Variants in AFAP1L2 observed in about 807,000 individuals in gnomAD.
AFAP1L2 encodes the protein actin filament-associated protein 1-like 2.
In AFAP1L2, 46 loss-of-function variants were observed where a neutral mutation model predicts 99.3. The ratio of observed to expected loss-of-function variants is 0.46; its 90% confidence interval spans 0.37 to 0.59. The LOEUF is 0.59. AFAP1L2 is among the 20% of genes least tolerant of loss of function. The pLI is 0.00. For missense variants in AFAP1L2, 959 were observed against 1,034.9 expected (o/e 0.93, Z 1.01); for synonymous variants, 397 against 419.1 (o/e 0.95, Z 0.64).
rs570082218 is a variant in AFAP1L2 at position 114,348,016 on chromosome 10, C to T, written c.17-7285G>A. ...ATGCTGGCAACCGCAAATCTGCTTT[C>T]GGTCCAGTGGATTTGCCTATTCTGG... On this transcript the variant is annotated intron_variant, in intron 1 of 18. Transcript: ENST00000304129. Among the ~76,000 whole-genome samples the T allele has an allele frequency of 7.6e-4, 116 of 152,244 alleles. 2 individuals carry two copies. Among genetic ancestry groups the T allele is most frequent in the African/African-American group, 1.5e-3 (64 of 41,546 alleles).
chr10:114,310,940 G>C (rs1050686946), intron 7 of AFAP1L2, among the ~76,000 whole-genome samples: 1 of 143,396 alleles, frequency 7.0e-6, no homozygotes, highest in Non-Finnish European at 1.5e-5. Context: ...TGGCTCTCCC[G>C]ACTCGCCTGC....
intron 1 of AFAP1L2, among the ~76,000 whole-genome samples, chr10:114,350,350 G>A (rs768952486): frequency 6.6e-6 from 1 of 152,200 alleles, no homozygotes; most frequent in Non-Finnish European, 1.5e-5. Context: ...TTGTCCCATG[G>A]ATGCAAGTCC....
chr10:114,302,791 C>G (rs2041448230), intron 11 of AFAP1L2, among the ~76,000 whole-genome samples: 1 of 152,148 alleles, frequency 6.6e-6, no homozygotes, highest in Non-Finnish European at 1.5e-5. Context: ...CAGGTGGTCA[C>G]TATTAAAAAC....
Position 114,301,476 on chromosome 10 carries a change from G to A in AFAP1L2, c.1431-11C>T, listed in dbSNP as rs997344385. Reference sequence around the variant, plus strand: ...TTTCTCTGCATCAGTCTGGAAACAGGGCGAGGTGGCACACATGAAGCAGCC... The same window carrying A: ...TTTCTCTGCATCAGTCTGGAAACAGAGCGAGGTGGCACACATGAAGCAGCC... On this transcript the variant is annotated splice_polypyrimidine_tract_variant and intron_variant, in intron 12 of 18. Transcript: ENST00000304129. 6.3e-7 allele frequency: 1 copy of A among 1,593,306 alleles called. No homozygotes were observed. The highest frequency in any genetic ancestry group is 8.6e-7 in the Non-Finnish European group (1 of 1,160,990).
At position 114,295,408 on chromosome 10, in the gene AFAP1L2, TAGTG is replaced by T. The variant is rs1195186198; in HGVS notation, c.*630_*633del. The stretch of plus-strand genomic sequence containing the variant: ...TTGGACTGGAAAGAAGTCTTTAACT[TAGTG>T]GGATTAGTGCTTCAGCTTGGTCCCA... On this transcript the variant is annotated 3_prime_UTR_variant, in exon 19 of 19. Coordinates refer to ENST00000304129, the MANE Select transcript of AFAP1L2 (RefSeq NM_001001936.3). 1 of 985,700 alleles carries T rather than the reference TAGTG, an allele frequency of 1.0e-6. No homozygotes were observed. Among genetic ancestry groups the T allele is most frequent in the East Asian group, 1.1e-4 (1 of 8,838 alleles). The allele number at this position is 985,700 out of a possible 1,614,324, so 61.1% of individuals were successfully genotyped here.
chr10:114,392,573 G>A lies in AFAP1L2; in HGVS notation c.16+11867C>T, dbSNP rs144719849. ...AGGGTGCTTGTGTCAGAAATATACC[G>A]AATAAAGTCATTAGTGACACCACAG... On this transcript the variant is annotated intron_variant, in intron 1 of 18. Coordinates refer to ENST00000304129, the MANE Select transcript of AFAP1L2 (RefSeq NM_001001936.3). 3.9e-3 allele frequency among the ~76,000 whole-genome samples: 588 copies of A among 152,230 alleles called. 3 individuals carry two copies. Among genetic ancestry groups the A allele is most frequent in the Admixed American group, 8.2e-3 (125 of 15,286 alleles).
intron 1 of AFAP1L2, among the ~76,000 whole-genome samples, chr10:114,349,383 C>CAAAAAAAAAAAAAA (rs113553514): frequency 2.3e-5 from 2 of 86,242 alleles, no homozygotes; most frequent in South Asian, 4.5e-4. Flanking sequence ...AACTCGGTCT[C>CAAAAAAAAAAAAAA]AAAAAAAAAA....
At chr10:114,317,316 C>A (rs1040031508) in intron 5 of AFAP1L2, among the ~76,000 whole-genome samples, 2 of 152,202 alleles carry the variant, frequency 1.3e-5, no homozygotes, top group African/African-American at 4.8e-5. Flanking sequence ...TCTTTAAAAG[C>A]CATGTGACAC....
chr10:114,397,590 A>G (rs1392908406), intron 1 of AFAP1L2, among the ~76,000 whole-genome samples: 1 of 152,154 alleles, frequency 6.6e-6, no homozygotes, highest in Non-Finnish European at 1.5e-5. Context: ...TTTGCCCAGG[A>G]CTAAGGGGAT....
chr10:114,367,607 C>T (rs1342878536), intron 1 of AFAP1L2, among the ~76,000 whole-genome samples: 2 of 152,120 alleles, frequency 1.3e-5, no homozygotes, highest in African/African-American at 4.8e-5. Flanking sequence ...GGACTGAGGC[C>T]CAGCTAGAAT....
chr10:114,356,895 G>A (rs2051469083), intron 1 of AFAP1L2, among the ~76,000 whole-genome samples: 1 of 152,240 alleles, frequency 6.6e-6, no homozygotes, highest in Non-Finnish European at 1.5e-5. Flanking sequence ...TCTAAAAAAG[G>A]AAAGTTCTCT....
chr10:114,349,817 G>A (rs1195089368), intron 1 of AFAP1L2, among the ~76,000 whole-genome samples: 3 of 151,718 alleles, frequency 2.0e-5, no homozygotes, highest in Non-Finnish European at 4.4e-5. Flanking sequence ...GAGGGGGGCG[G>A]GGGGGTTTGC....
intron 1 of AFAP1L2, among the ~76,000 whole-genome samples, chr10:114,346,255 G>A (rs184014781): frequency 1.3e-5 from 2 of 152,296 alleles, no homozygotes; most frequent in East Asian, 3.9e-4. Context: ...ACTGTGACCA[G>A]CGGCACTCAG....
intron 1 of AFAP1L2, among the ~76,000 whole-genome samples, chr10:114,372,033 C>T (rs1302382392): frequency 6.6e-6 from 1 of 152,194 alleles, no homozygotes; most frequent in African/African-American, 2.4e-5. Context: ...CCCAGCAAGT[C>T]ACATCTTGCA....
chr10:114,350,913 C>T (rs1053935650), intron 1 of AFAP1L2, among the ~76,000 whole-genome samples: 1 of 152,180 alleles, frequency 6.6e-6, no homozygotes, highest in Non-Finnish European at 1.5e-5. Flanking sequence ...GGCTTTGGGT[C>T]CCGGGAGGCC....
intron 1 of AFAP1L2, among the ~76,000 whole-genome samples, chr10:114,346,913 C>A (rs1286257176): frequency 6.6e-6 from 1 of 152,194 alleles, no homozygotes; most frequent in Non-Finnish European, 1.5e-5. Context: ...CATCTTGAGG[C>A]TGTCTTGCTT....
At chr10:114,375,959 C>G (rs1344571527) in intron 1 of AFAP1L2, among the ~76,000 whole-genome samples, 1 of 151,830 alleles carries the variant, frequency 6.6e-6, no homozygotes, top group African/African-American at 2.4e-5. Flanking sequence ...GACCCTGTCT[C>G]AAAACAAAAA....
At chr10:114,286,187 C>T in the AFAP1L2 span, 201 of 1,614,040 alleles carry the variant, frequency 1.2e-4, no homozygotes, top group East Asian at 1.6e-3. Flanking sequence ...CATTCCCTTC[C>T]GTGGTGGCCC....
At chr10:114,381,812 A>C (rs1259966414) in intron 1 of AFAP1L2, among the ~76,000 whole-genome samples, 1 of 152,120 alleles carries the variant, frequency 6.6e-6, no homozygotes, top group Non-Finnish European at 1.5e-5. Context: ...GCTCCTAAAA[A>C]ATAAAAAGAC....
Sources: allele counts gnomAD v4.1 joint callset (sites outside exome capture counted in the v4.1 genomes callset), GRCh38; gene constraint gnomAD v4.1.1; transcripts MANE v1.5; gene names NCBI Gene and HGNC (gene_info 2026-07-23, HGNC 2026-07-21).